Variants in KIFC3 observed in about 807,000 individuals in gnomAD.
The protein encoded by KIFC3 is kinesin family member C3, also known as kinesin-like protein KIFC3.
A neutral mutation model predicts 101.8 loss-of-function variants in KIFC3; 60 were observed. The ratio of observed to expected loss-of-function variants is 0.59; its 90% CI spans 0.48 to 0.73. The LOEUF is 0.73. Among genes scored for constraint, KIFC3 ranks in the 30% least tolerant of loss-of-function variants. KIFC3 has a pLI of 0.00. For synonymous variants in KIFC3, 476 were observed against 482.7 expected, an observed-to-expected ratio of 0.99 and a Z score of 0.18; for missense variants, 966 against 1,137.1, an observed-to-expected ratio of 0.85 and a Z score of 2.16.
In KIFC3 at chr16:57,758,609, C is replaced by T. The variant is rs1438216571; in HGVS notation, c.*325G>A. On this transcript the variant is annotated 3_prime_UTR_variant, in exon 20 of 20. Transcript: ENST00000445690. ...CGAGAAAGCCTGGGTGAGAGGCCCA[C>T]CCTCCTCCACACTCCCGCCCTCCTC... The T allele has an allele frequency of 4.3e-6, 3 of 691,504 alleles. No homozygotes were observed. The highest frequency in any genetic ancestry group is 7.9e-6 in the Non-Finnish European group (3 of 378,436). The allele number at this position is 691,504 out of a possible 1,614,324, so 42.8% of individuals were successfully genotyped here.
At chr16:57,809,648 G>A (rs1163022434) in intron 1 of KIFC3, among the ~76,000 whole-genome samples, 2 of 152,102 alleles carry the variant, frequency 1.3e-5, no homozygotes, top group Non-Finnish European at 2.9e-5. Flanking sequence ...GAGAAGAGAG[G>A]TTGTCAATTT....
At chr16:57,812,842 C>T (rs552827073) in intron 1 of KIFC3, among the ~76,000 whole-genome samples, 2 of 152,318 alleles carry the variant, frequency 1.3e-5, no homozygotes, top group South Asian at 2.1e-4. Flanking sequence ...GGGGCTCCCC[C>T]GAACTGGTCC....
intron 1 of KIFC3, among the ~76,000 whole-genome samples, chr16:57,818,014 CTTTT>C (rs112869689): frequency 6.8e-6 from 1 of 147,410 alleles, no homozygotes; most frequent in African/African-American, 2.5e-5. Flanking sequence ...TTCTTTCTTT[CTTTT>C]TTTTTTTTTT....
chr16:57,854,780 T>C (rs2056129996), intron 1 of KIFC3, among the ~76,000 whole-genome samples: 1 of 151,958 alleles, frequency 6.6e-6, no homozygotes, highest in Admixed American at 6.6e-5. Context: ...ATAAACCAAA[T>C]CTCAACAAAT....
Position 57,765,639 on chromosome 16 carries a change from C to G in KIFC3, c.1332G>C (p.Gly444=). The G allele has an allele frequency of 6.2e-7, 1 of 1,608,638 alleles. No individual in the cohort carries two copies. The highest frequency in any genetic ancestry group is 8.5e-7 in the Non-Finnish European group (1 of 1,177,004). Residue 444 remains glycine (G), a splice_region_variant and synonymous_variant, in exon 11 of 20, where the codon GGG becomes GGC. Coordinates refer to ENST00000445690, the MANE Select transcript of KIFC3 (RefSeq NM_001130100.2). ...KCHNELVRLK[G]NIRVIARVRP... The stretch of plus-strand genomic sequence containing the variant: ...GGACACGAGCAATCACTCGGATGTT[C>G]CCTGGATTGGTTGGGGATGGGGAAA...
At chr16:57,814,829 C>T (rs1319567609) in intron 1 of KIFC3, among the ~76,000 whole-genome samples, 5 of 152,098 alleles carry the variant, frequency 3.3e-5, no homozygotes, top group African/African-American at 1.2e-4. Flanking sequence ...ACCATGTTGC[C>T]CAGGCTGATC....
chr16:57,840,127 C>G (rs936177829), intron 1 of KIFC3, among the ~76,000 whole-genome samples: 4 of 152,054 alleles, frequency 2.6e-5, no homozygotes, highest in Non-Finnish European at 5.9e-5. Context: ...CACCTGAGGT[C>G]AGCAGTTCAA....
intron 1 of KIFC3, among the ~76,000 whole-genome samples, chr16:57,828,482 G>C (rs957221900): frequency 6.6e-6 from 1 of 152,240 alleles, no homozygotes; most frequent in Non-Finnish European, 1.5e-5. Flanking sequence ...GGGAGGGAGA[G>C]CTTGCCAAGG....
intron 13 of KIFC3, among the ~76,000 whole-genome samples, chr16:57,761,939 A>G (rs1335283404): frequency 6.6e-6 from 1 of 152,018 alleles, no homozygotes; most frequent in Non-Finnish European, 1.5e-5. Flanking sequence ...TGACGGCCTC[A>G]TCTGGTCCCT....
intron 1 of KIFC3, among the ~76,000 whole-genome samples, chr16:57,844,661 C>A (rs966638023): frequency 7.9e-5 from 12 of 152,098 alleles, no homozygotes; most frequent in African/African-American, 2.9e-4. Context: ...CCCCACCGCC[C>A]CCTCCGCAGG....
At chr16:57,792,131 T>C (rs995814676) in intron 3 of KIFC3, among the ~76,000 whole-genome samples, 2 of 152,196 alleles carry the variant, frequency 1.3e-5, no homozygotes, top group Admixed American at 1.3e-4. Context: ...TGTGGAAATG[T>C]GGCTTCCAGA....
chr16:57,833,866 CTTT>C (rs201843937), intron 1 of KIFC3, among the ~76,000 whole-genome samples: 2,256 of 111,312 alleles, frequency 0.02, 31 homozygotes, highest in African/African-American at 0.079. Context: ...AATGCAGTTG[CTTT>C]TTTTTTTTTT....
intron 16 of KIFC3, 27 bp from the exon 17 acceptor site, chr16:57,760,443 A>C: frequency 6.2e-7 from 1 of 1,603,540 alleles, no homozygotes; most frequent in Non-Finnish European, 8.5e-7. Flanking sequence ...CTCACTGCCC[A>C]CCCGGGCCAG....
chr16:57,802,335 C>T lies in KIFC3; in HGVS notation c.-40+35G>A. ...GCGGGCCGGGCAGAGCCCAGCGCCC[C>T]GCTCGCACCCAGCCCGCCCGGGCCC... On this transcript the variant is annotated intron_variant, in intron 1 of 19. Transcript: ENST00000445690. The surrounding 1 kb of genome is among the most constrained non-coding windows in gnomAD (Gnocchi z 5.0). 1 of 962,714 alleles carries T rather than the reference C, an allele frequency of 1.0e-6. No homozygotes were observed. The highest frequency in any genetic ancestry group is 1.8e-5 in the African/African-American group (1 of 56,728). 59.6% of individuals were successfully genotyped at this position (962,714 alleles called of 1,614,324 possible). A position where few individuals can be genotyped will look rare whatever the true frequency, so the allele number is the denominator to read the frequency against.
chr16:57,759,817 G>A lies in KIFC3; in HGVS notation c.2387C>T (p.Thr796Met), dbSNP rs554025520. The change falls in exon 18 of 20, where the codon ACG becomes ATG. Residue 796 changes from threonine to methionine, a missense_variant. Thr to Met is a moderately conservative substitution (Grantham distance 81). Transcript: ENST00000445690. ...EHLEWEPACQ[T>M]PQPSARAHSA... ...GTGGGCCCGTGCCGAGGGCTGTGGC[G>A]TCTGACAAGCCGGCTCCCACTGTGA... The A allele has an allele frequency of 2.9e-5, 46 of 1,608,940 alleles. No individual in the cohort carries two copies. Among genetic ancestry groups the A allele is most frequent in the African/African-American group, 1.9e-4 (14 of 74,676 alleles).
Position 57,798,110 on chromosome 16 carries a change from CG to C in KIFC3, c.133del (p.Arg45AlafsTer11). The C allele has an allele frequency of 6.3e-7, 1 of 1,582,600 alleles. No individual in the cohort carries two copies. Among genetic ancestry groups the C allele is most frequent in the South Asian group, 1.2e-5 (1 of 86,760 alleles). On this transcript the variant is annotated frameshift_variant, in exon 2 of 20. Coordinates refer to ENST00000445690, the MANE Select transcript of KIFC3 (RefSeq NM_001130100.2). LOFTEE classifies it high-confidence loss of function. ...CCCCGGGCCGGTGTGTGGGAAAGGG[CG>C]GGCGGCCGGGCTGGCTGGGGCTGGG... ...PAPAPASPAA[R>X]PFPHTGPGRL...
chr16:57,823,685 C>CG (rs1234084895), intron 1 of KIFC3, among the ~76,000 whole-genome samples: 1 of 152,026 alleles, frequency 6.6e-6, no homozygotes, highest in Non-Finnish European at 1.5e-5. Flanking sequence ...CTCCACCCCC[C>CG]AGGTTCCAGC....
intron 1 of KIFC3, among the ~76,000 whole-genome samples, chr16:57,856,806 C>G (rs1305450516): frequency 5.6e-4 from 85 of 152,110 alleles, no homozygotes; most frequent in Admixed American, 5.4e-3. Flanking sequence ...TGGACCAATT[C>G]CTTAAAGCCA....
At chr16:57,767,054 C>A in intron 9 of KIFC3, 69 bp from the exon 10 acceptor site, 1 of 1,254,750 alleles carries the variant, frequency 8.0e-7, no homozygotes, top group Non-Finnish European at 1.2e-6. Context: ...CTGCCCACCC[C>A]TGAGGGGTGC....
Sources: allele counts gnomAD v4.1 joint callset (sites outside exome capture counted in the v4.1 genomes callset), GRCh38; gene constraint gnomAD v4.1.1; non-coding constraint Gnocchi (gnomAD v3.1); transcripts MANE v1.5; gene names NCBI Gene and HGNC (gene_info 2026-07-23, HGNC 2026-07-21).